ROR2: variants seen among roughly 807,000 people sequenced by gnomAD.
ROR2 encodes the protein tyrosine-protein kinase transmembrane receptor ROR2.
Under a neutral mutation model 74.9 loss-of-function variants are expected in ROR2, and 33 were observed. The observed-to-expected ratio is 0.44, with a 90% CI of 0.33 to 0.59. The LOEUF (loss-of-function observed/expected upper bound fraction) is 0.59. Ranked by LOEUF, ROR2 falls within the 20% of genes least tolerant of loss-of-function variation. ROR2 has a pLI of 0.02. For synonymous variants in ROR2, 586 were observed against 558.7 expected, an observed-to-expected ratio of 1.05 and a Z score of -0.69; for missense variants, 1,216 against 1,313.8, an observed-to-expected ratio of 0.93 and a Z score of 1.15.
chr9:91,892,259 GGGTAGGGCCCTAGGTAAGT>G (rs1830439437), intron 1 of ROR2, among the ~76,000 whole-genome samples: 1 of 152,148 alleles, frequency 6.6e-6, no homozygotes, highest in Admixed American at 6.5e-5. Context: ...GCACATCCTT[GGGTAGGGCCCTAGGTAAGT>G]GCACCGGCAG....
At chr9:91,788,548 A>G (rs1826870797) in intron 1 of ROR2, among the ~76,000 whole-genome samples, 2 of 152,102 alleles carry the variant, frequency 1.3e-5, no homozygotes, top group South Asian at 4.1e-4. Flanking sequence ...GGGGAAAAAA[A>G]AAAAAAGATT....
At chr9:91,814,446 C>T (rs535484789) in intron 1 of ROR2, among the ~76,000 whole-genome samples, 3 of 152,196 alleles carry the variant, frequency 2.0e-5, no homozygotes, top group East Asian at 1.9e-4. Context: ...AGACAGGCTC[C>T]GGAGGGCCCT....
intron 4 of ROR2, among the ~76,000 whole-genome samples, chr9:91,752,468 G>A (rs944257385): frequency 1.1e-4 from 16 of 152,310 alleles, no homozygotes; most frequent in African/African-American, 3.4e-4. Context: ...CTAAAAGGAC[G>A]CCAGGCTTAA....
At chr9:91,936,901 G>A (rs1251362990) in intron 1 of ROR2, among the ~76,000 whole-genome samples, 2 of 149,854 alleles carry the variant, frequency 1.3e-5, no homozygotes, top group African/African-American at 4.9e-5. Context: ...GTAGTGGCGG[G>A]CGCCTGTAGT....
intron 4 of ROR2, among the ~76,000 whole-genome samples, chr9:91,746,979 G>A (rs1429018887): frequency 1.3e-5 from 2 of 152,172 alleles, no homozygotes; most frequent in South Asian, 2.1e-4. Context: ...CTCTGACTTC[G>A]GGAAGGCAGC....
intron 8 of ROR2, among the ~76,000 whole-genome samples, chr9:91,725,709 G>A (rs1455023019): frequency 6.6e-6 from 1 of 152,124 alleles, no homozygotes; most frequent in Non-Finnish European, 1.5e-5. Flanking sequence ...GTACCCCACA[G>A]GTGATAGGAG....
In ROR2 at chr9:91,807,682, C is replaced by T. The variant is rs368346526; in HGVS notation, c.98-31864G>A. Among the ~76,000 whole-genome samples the T allele has an allele frequency of 1.2e-4, 19 of 152,250 alleles. No individual in the cohort carries two copies. The East Asian group carries it at 1.9e-3, about 15-fold the overall frequency. ...ACAGTGTCTAAAGTGGACTGGAGGA[C>T]ACCCAGCTGGCGTCCACTGCTTGTA... is the stretch of plus-strand genomic sequence containing the variant. On this transcript the variant is annotated intron_variant, in intron 1 of 8. Coordinates refer to ENST00000375708, the MANE Select transcript of ROR2 (RefSeq NM_004560.4).
chr9:91,936,927 G>C (rs2118009762), intron 1 of ROR2, among the ~76,000 whole-genome samples: 1 of 149,300 alleles, frequency 6.7e-6, no homozygotes, highest in South Asian at 2.1e-4. Context: ...CTACTTGGGA[G>C]GCTGAGGCAG....
chr9:91,727,087 C>A (rs1837067586), intron 7 of ROR2, among the ~76,000 whole-genome samples: 1 of 152,190 alleles, frequency 6.6e-6, no homozygotes, highest in Non-Finnish European at 1.5e-5. Flanking sequence ...GGTGCTCTGC[C>A]CAATTTCACT....
At chr9:91,936,858 G>A (rs1048058130) in intron 1 of ROR2, among the ~76,000 whole-genome samples, 12 of 150,676 alleles carry the variant, frequency 8.0e-5, no homozygotes, top group African/African-American at 2.7e-4. Context: ...GTGAAACCCC[G>A]TCTCTACTAA....
At position 91,905,759 on chromosome 9, in the gene ROR2, T is replaced by C. The variant is rs192974595; in HGVS notation, c.97+44108A>G. Reference sequence around the variant, plus strand: ...TGGGGGGAGGGGCCATCACACTCTTTAGGGAGAGAAAATAGAAATTAAAGC... The same window carrying C: ...TGGGGGGAGGGGCCATCACACTCTTCAGGGAGAGAAAATAGAAATTAAAGC... On this transcript the variant is annotated intron_variant, in intron 1 of 8. Coordinates refer to ENST00000375708, the MANE Select transcript of ROR2 (RefSeq NM_004560.4). The surrounding 1 kb of genome is among the most constrained non-coding windows in gnomAD (Gnocchi z 5.3). Among the ~76,000 whole-genome samples the C allele has an allele frequency of 1.4e-3, 207 of 151,454 alleles. No individual in the cohort carries two copies. Among genetic ancestry groups the C allele is most frequent in the African/African-American group, 4.8e-3 (197 of 41,340 alleles).
intron 1 of ROR2, among the ~76,000 whole-genome samples, chr9:91,839,819 G>A (rs973652190): frequency 4.0e-5 from 6 of 151,828 alleles, no homozygotes; most frequent in Non-Finnish European, 5.9e-5. Flanking sequence ...GCCAGAAGTC[G>A]GTTTTCTCCA....
At chr9:91,901,678 T>G (rs1587833618) in intron 1 of ROR2, among the ~76,000 whole-genome samples, 1 of 151,898 alleles carries the variant, frequency 6.6e-6, no homozygotes, top group East Asian at 1.9e-4. Context: ...TAGCCAGGCA[T>G]GGTGGCATGC....
At chr9:91,927,583 T>TTTTTTTTTTTTTG (rs1831442951) in intron 1 of ROR2, among the ~76,000 whole-genome samples, 1 of 130,066 alleles carries the variant, frequency 7.7e-6, no homozygotes, top group Non-Finnish European at 1.6e-5. Context: ...TTTTTTTTTT[T>TTTTTTTTTTTTTG]GAGACGGAGT....
intron 1 of ROR2, among the ~76,000 whole-genome samples, chr9:91,927,491 CACCACCTCCATTT>C (rs1831436542): frequency 6.6e-6 from 1 of 151,792 alleles, no homozygotes; most frequent in South Asian, 2.1e-4. Flanking sequence ...CACCTCCATT[CACCACCTCCATTT>C]GCTACCTCCG....
At chr9:91,793,680 T>C (rs1827075646) in intron 1 of ROR2, among the ~76,000 whole-genome samples, 2 of 150,378 alleles carry the variant, frequency 1.3e-5, no homozygotes, top group African/African-American at 4.9e-5. Flanking sequence ...GAGAATTGCC[T>C]GAACCTGGGA....
chr9:91,905,740 G>T lies in ROR2; in HGVS notation c.97+44127C>A, dbSNP rs1439095465. Among the ~76,000 whole-genome samples the T allele has an allele frequency of 7.6e-6, 1 of 132,368 alleles. No homozygotes were observed. The highest frequency in any genetic ancestry group is 1.6e-5 in the Non-Finnish European group (1 of 61,842). 86.8% of individuals were successfully genotyped at this position (132,368 alleles called of 152,430 possible). A position where few individuals can be genotyped will look rare whatever the true frequency, so the allele number is the denominator to read the frequency against. On this transcript the variant is annotated intron_variant, in intron 1 of 8. Coordinates refer to ENST00000375708, the MANE Select transcript of ROR2 (RefSeq NM_004560.4). This position sits in a 1 kb window ranked among gnomAD's most constrained non-coding sequence, Gnocchi z 5.3. ...CATGGTAGATAAATGGGGGTGGGGG[G>T]AGGGGCCATCACACTCTTTAGGGAG...
chr9:91,920,768 T>C (rs16907979), intron 1 of ROR2, among the ~76,000 whole-genome samples: 21,210 of 151,862 alleles, frequency 0.14, 2,161 homozygotes, highest in East Asian at 0.28. Context: ...TGTTCAGAGG[T>C]GACAGAGCTA....
intron 2 of ROR2, among the ~76,000 whole-genome samples, chr9:91,760,352 G>A (rs1275397025): frequency 6.6e-6 from 1 of 152,170 alleles, no homozygotes; most frequent in African/African-American, 2.4e-5. Context: ...AACAACTGTG[G>A]GCTAGGTGCG....
Sources: gnomAD v4.1 joint callset for allele counts (sites outside exome capture counted in the v4.1 genomes callset) on GRCh38, gnomAD v4.1.1 for gene constraint, Gnocchi (gnomAD v3.1) non-coding constraint, MANE v1.5 for transcripts, NCBI Gene and HGNC (gene_info 2026-07-23, HGNC 2026-07-21) for gene names.